The following METTL9 variants were observed in gnomAD, a reference collection of about 807,000 sequenced individuals.
METTL9 encodes the protein protein-L-histidine N-pros-methyltransferase.
In METTL9, 10 loss-of-function variants were observed where a neutral mutation model predicts 36.0. That is an observed-to-expected ratio of 0.28 (90% CI 0.17 to 0.47). The LOEUF is 0.47. Ranked by LOEUF, METTL9 falls within the 20% of genes least tolerant of loss-of-function variation. METTL9 has a pLI of 0.99. For missense variants in METTL9, 246 were observed against 383.5 expected (o/e 0.64, Z 3.00); for synonymous variants, 175 against 149.7 (o/e 1.17, Z -1.23).
chr16:21,640,901 T>C (rs1267804572), intron 4 of METTL9: 1 of 152,182 alleles, frequency 6.6e-6, no homozygotes, highest in East Asian at 1.9e-4. Context: ...GGCTTATTTG[T>C]TCTGAAGTTA....
At chr16:21,652,592 TC>T in intron 4 of METTL9, 2 of 1,609,812 alleles carry the variant, frequency 1.2e-6, no homozygotes, top group Non-Finnish European at 1.7e-6. Flanking sequence ...CTGCTCGCAG[TC>T]CCCATTTCTG....
At chr16:21,647,293 C>T in intron 4 of METTL9, 4 of 1,614,164 alleles carry the variant, frequency 2.5e-6, no homozygotes, top group Non-Finnish European at 3.4e-6. Context: ...TCACTGTGAA[C>T]TTGTCTGCCT....
At chr16:21,652,738 T>A in intron 4 of METTL9, 1 of 603,166 alleles carries the variant, frequency 1.7e-6, no homozygotes, top group Non-Finnish European at 3.0e-6. Flanking sequence ...TGTGCAAGGA[T>A]GGCTTCACCA....
intron 4 of METTL9, among the ~76,000 whole-genome samples, chr16:21,629,788 C>G (rs1426944613): frequency 6.6e-6 from 1 of 152,180 alleles, no homozygotes; most frequent in Non-Finnish European, 1.5e-5. Flanking sequence ...TTATCTGGCC[C>G]CACCCACAGC....
At position 21,611,298 on chromosome 16, in the gene METTL9, C is replaced by T. The variant is rs371171708; in HGVS notation, c.166-1347C>T. Among the ~76,000 whole-genome samples, 32 of 152,206 alleles carry T rather than the reference C, an allele frequency of 2.1e-4. No individual in the cohort carries two copies. The East Asian group carries it at 5.0e-3, about 24-fold the overall frequency. ...TTGATTTGTAACTAGTTCCTTTTAACGTTAGCATCAGGAATGTTACTTAAG... is the reference window on the plus strand; with the variant it reads ...TTGATTTGTAACTAGTTCCTTTTAATGTTAGCATCAGGAATGTTACTTAAG... On this transcript the variant is annotated intron_variant, in intron 1 of 4. Coordinates refer to ENST00000358154, the MANE Select transcript of METTL9 (RefSeq NM_016025.5).
Position 21,624,916 on chromosome 16 carries a change from T to A in METTL9, c.567-15T>A. The A allele has an allele frequency of 1.2e-6, 2 of 1,610,852 alleles. No homozygotes were observed. The highest frequency in any genetic ancestry group is 8.5e-7 in the Non-Finnish European group (1 of 1,177,444). On this transcript the variant is annotated splice_polypyrimidine_tract_variant and intron_variant, in intron 3 of 4. Coordinates refer to ENST00000358154, the MANE Select transcript of METTL9 (RefSeq NM_016025.5). ...AGGGACTTTATGTTAATACAGTTAT[T>A]TCTGATTTTTCTAGAGTCCTTGGTA...
intron 4 of METTL9, among the ~76,000 whole-genome samples, chr16:21,632,768 C>T (rs1965994695): frequency 1.3e-5 from 2 of 152,124 alleles, no homozygotes; most frequent in African/African-American, 4.8e-5. Context: ...TGGCCACCGC[C>T]GCAACTACCC....
At chr16:21,608,541 T>G (rs1316658556) in intron 1 of METTL9, among the ~76,000 whole-genome samples, 1 of 151,814 alleles carries the variant, frequency 6.6e-6, no homozygotes. Flanking sequence ...TACTGGAGAG[T>G]CAGTACAGTG....
intron 4 of METTL9, among the ~76,000 whole-genome samples, chr16:21,628,133 A>G (rs1335808002): frequency 6.6e-6 from 1 of 152,206 alleles, no homozygotes; most frequent in Non-Finnish European, 1.5e-5. Flanking sequence ...ACTTAAATGT[A>G]TCTAGGAAAG....
At position 21,656,376 on chromosome 16, in the gene METTL9, T is replaced by C. The variant is rs759802019; in HGVS notation, c.*944T>C. Reference sequence around the variant, plus strand: ...AATTCAACTTCTTACTCTACACTTATATACCTCTCTCCCAGAGCTTGGCTC... The same window carrying C: ...AATTCAACTTCTTACTCTACACTTACATACCTCTCTCCCAGAGCTTGGCTC... On this transcript the variant is annotated 3_prime_UTR_variant, in exon 5 of 5. Coordinates refer to ENST00000358154, the MANE Select transcript of METTL9 (RefSeq NM_016025.5). 17 of 152,118 alleles carry C rather than the reference T, an allele frequency of 1.1e-4. No homozygotes were observed. Among genetic ancestry groups the C allele is most frequent in the Admixed American group, 2.6e-4 (4 of 15,258 alleles). The allele number at this position is 152,118 out of a possible 1,614,324, so 9.4% of individuals were successfully genotyped here.
At chr16:21,638,423 A>C (rs1044405657) in intron 4 of METTL9, among the ~76,000 whole-genome samples, 1 of 152,204 alleles carries the variant, frequency 6.6e-6, no homozygotes, top group Non-Finnish European at 1.5e-5. Context: ...AAAGGGGTGA[A>C]GCTTCATGGT....
chr16:21,602,766 T>G (rs1965170008), intron 1 of METTL9, among the ~76,000 whole-genome samples: 2 of 152,108 alleles, frequency 1.3e-5, no homozygotes, highest in Admixed American at 6.6e-5. Flanking sequence ...CAAGCAATTC[T>G]GATGTCTCAG....
At chr16:21,632,757 A>G (rs1305589972) in intron 4 of METTL9, among the ~76,000 whole-genome samples, 1 of 152,102 alleles carries the variant, frequency 6.6e-6, no homozygotes, top group African/African-American at 2.4e-5. Context: ...TGACACTAAG[A>G]TGGCCACCGC....
chr16:21,618,142 A>T (rs1485870129), intron 3 of METTL9, 68 bp downstream of exon 3: 4 of 1,164,162 alleles, frequency 3.4e-6, no homozygotes, highest in Non-Finnish European at 4.8e-6. Context: ...ATGAATAAAA[A>T]ATGATCTTCC....
intron 4 of METTL9, chr16:21,647,450 T>G (rs1184770125): frequency 6.2e-7 from 1 of 1,614,028 alleles, no homozygotes; most frequent in East Asian, 2.2e-5. Flanking sequence ...CACTTCTAGG[T>G]ACCACGGTTG....
At chr16:21,617,296 T>C (rs1333548027) in intron 2 of METTL9, among the ~76,000 whole-genome samples, 1 of 151,676 alleles carries the variant, frequency 6.6e-6, no homozygotes, top group Admixed American at 6.6e-5. Flanking sequence ...CGGGCGCCTG[T>C]AGTCCCAGCT....
At chr16:21,632,486 A>T (rs1432471594) in intron 4 of METTL9, among the ~76,000 whole-genome samples, 1 of 152,086 alleles carries the variant, frequency 6.6e-6, no homozygotes, top group Non-Finnish European at 1.5e-5. Context: ...CTTCTAAGAG[A>T]TCATCTCGGG....
intron 4 of METTL9, among the ~76,000 whole-genome samples, chr16:21,647,778 G>A (rs1414197921): frequency 5.9e-5 from 9 of 152,082 alleles, no homozygotes; most frequent in East Asian, 1.9e-4. Flanking sequence ...AGGTGGCACC[G>A]TATTGGACTC....
At chr16:21,622,518 A>G (rs1251084970) in intron 3 of METTL9, among the ~76,000 whole-genome samples, 2 of 152,224 alleles carry the variant, frequency 1.3e-5, no homozygotes, top group African/African-American at 4.8e-5. Flanking sequence ...AATCACTTGA[A>G]TAGATACCCT....
Sources: gnomAD v4.1 joint callset for allele counts (sites outside exome capture counted in the v4.1 genomes callset) on GRCh38, gnomAD v4.1.1 for gene constraint, MANE v1.5 for transcripts, NCBI Gene and HGNC (gene_info 2026-07-23, HGNC 2026-07-21) for gene names.